Variants in SPATA31H1 observed in about 807,000 individuals in gnomAD.
SPATA31H1 encodes the protein SPATA31 subfamily H member 1, also known as spermatogenesis-associated protein 31H1.
the SPATA31H1 span, chr2:27,579,226 C>A: frequency 1.2e-6 from 2 of 1,614,184 alleles, no homozygotes; most frequent in East Asian, 2.2e-5. Context: ...CAGCGACTAC[C>A]AAGAAAATAT....
chr2:27,572,965 C>T, the SPATA31H1 span: 1 of 397,624 alleles, frequency 2.5e-6, no homozygotes, highest in Non-Finnish European at 4.4e-6. Context: ...GGTGTGAAAA[C>T]TGTAGAGCTA....
At chr2:27,576,111 T>C in the SPATA31H1 span, 1 of 400,274 alleles carries the variant, frequency 2.5e-6, no homozygotes, top group African/African-American at 2.1e-5. Context: ...AGGGCTAAAA[T>C]TGCAATGTAT....
the SPATA31H1 span, among the ~76,000 whole-genome samples, chr2:27,540,536 C>A: frequency 1.4e-5 from 2 of 138,682 alleles, no homozygotes; most frequent in Admixed American, 1.4e-4. Context: ...GACCCCCCCC[C>A]CACCTCCCTC....
the SPATA31H1 span, chr2:27,569,967 T>A: frequency 2.5e-6 from 1 of 398,810 alleles, no homozygotes; most frequent in East Asian, 3.6e-5. Flanking sequence ...GACCTCAGAT[T>A]CCCCAGTTCA....
chr2:27,581,521 C>G, the SPATA31H1 span: 3 of 1,609,414 alleles, frequency 1.9e-6, no homozygotes, highest in Non-Finnish European at 2.5e-6. Flanking sequence ...CACAGTCCCT[C>G]AGAGAGAAGC....
the SPATA31H1 span, chr2:27,578,589 C>T: frequency 6.2e-7 from 1 of 1,613,748 alleles, no homozygotes; most frequent in Non-Finnish European, 8.5e-7. Context: ...ATTTGAGGAA[C>T]ATACAATATT....
the SPATA31H1 span, chr2:27,577,708 C>A: frequency 4.3e-6 from 7 of 1,614,078 alleles, no homozygotes; most frequent in East Asian, 1.6e-4. The surrounding 1 kb of genome is among the most constrained non-coding windows in gnomAD (Gnocchi z 4.5). Context: ...TTGCAATTAA[C>A]CCCCAAACCA....
the SPATA31H1 span, among the ~76,000 whole-genome samples, chr2:27,561,187 G>A: frequency 3.2e-4 from 49 of 152,160 alleles, no homozygotes; most frequent in South Asian, 2.1e-4. Flanking sequence ...AAAAATGACC[G>A]GGGCATGGTG....
chr2:27,566,949 C>T, the SPATA31H1 span: 17 of 717,360 alleles, frequency 2.4e-5, no homozygotes, highest in African/African-American at 1.6e-4. Context: ...TTGGGAATTC[C>T]GGAGCCATAG....
At chr2:27,551,732 CA>C in the SPATA31H1 span, among the ~76,000 whole-genome samples, 1 of 152,008 alleles carries the variant, frequency 6.6e-6, no homozygotes, top group East Asian at 1.9e-4. Flanking sequence ...TGCCCACCCA[CA>C]TTATGGACAT....
the SPATA31H1 span, among the ~76,000 whole-genome samples, chr2:27,540,108 A>C: frequency 7.0e-4 from 31 of 44,404 alleles, no homozygotes; most frequent in Admixed American, 1.1e-3. Context: ...GGCGCCCCTC[A>C]CCTCCCGGAC....
chr2:27,568,818 T>C, the SPATA31H1 span: 6 of 398,716 alleles, frequency 1.5e-5, no homozygotes, highest in African/African-American at 2.1e-5. Flanking sequence ...AGGTATGAAA[T>C]ATGGGGAACT....
At chr2:27,576,727 C>G in the SPATA31H1 span, 1 of 1,614,042 alleles carries the variant, frequency 6.2e-7, no homozygotes, top group South Asian at 1.1e-5. Flanking sequence ...TCAAATTTGT[C>G]TCCAGAATCA....
At chr2:27,539,579 T>C in the SPATA31H1 span, among the ~76,000 whole-genome samples, 4 of 117,254 alleles carry the variant, frequency 3.4e-5, no homozygotes, top group Admixed American at 1.0e-4. Context: ...CCCGCCTTTC[T>C]ATTCCACAAA....
chr2:27,551,617 G>C, the SPATA31H1 span, among the ~76,000 whole-genome samples: 1 of 151,958 alleles, frequency 6.6e-6, no homozygotes, highest in Admixed American at 6.6e-5. Flanking sequence ...CATAGGCCAG[G>C]CTAGAAACTC....
the SPATA31H1 span, chr2:27,578,886 A>G: frequency 6.2e-7 from 1 of 1,614,184 alleles, no homozygotes. Context: ...AAACCCTGGG[A>G]CAGATATTTT....
the SPATA31H1 span, chr2:27,574,933 C>G: frequency 2.5e-6 from 1 of 398,538 alleles, no homozygotes; most frequent in Non-Finnish European, 4.4e-6. Context: ...AAAGTGAAAT[C>G]TGTGCTCATG....
At chr2:27,581,555 C>G in the SPATA31H1 span, 4 of 1,458,264 alleles carry the variant, frequency 2.7e-6, no homozygotes, top group African/African-American at 5.7e-5. Flanking sequence ...CAGAGAGAAG[C>G]CATCGCAGTT....
the SPATA31H1 span, chr2:27,578,680 T>C: frequency 6.2e-7 from 1 of 1,614,174 alleles, no homozygotes; most frequent in South Asian, 1.1e-5. Context: ...ACTGAGGATT[T>C]GAATCTAGGA....
Sources: allele counts gnomAD v4.1 joint callset (sites outside exome capture counted in the v4.1 genomes callset), GRCh38; gene constraint gnomAD v4.1.1; non-coding constraint Gnocchi (gnomAD v3.1); transcripts MANE v1.5; gene names NCBI Gene and HGNC (gene_info 2026-07-23, HGNC 2026-07-21).